ADCK5: variants seen among roughly 807,000 people sequenced by gnomAD.
ADCK5 encodes uncharacterized aarF domain-containing protein kinase 5.
In ADCK5, 43 loss-of-function variants were observed where a neutral mutation model predicts 64.9. That is an observed-to-expected ratio of 0.66 (90% CI 0.52 to 0.85). The LOEUF (loss-of-function observed/expected upper bound fraction) is 0.85, where lower values mean the gene tolerates loss of function less well. Among genes scored for constraint, ADCK5 ranks in the 40% least tolerant of loss-of-function variants. The pLI is 0.00. For missense variants in ADCK5, 760 were observed against 810.5 expected (o/e 0.94, Z 0.76); for synonymous variants, 434 against 342.8 (o/e 1.27, Z -2.94).
chr8:144,385,995 T>G (rs1272818722), intron 3 of ADCK5, among the ~76,000 whole-genome samples: 2 of 151,948 alleles, frequency 1.3e-5, no homozygotes, highest in African/African-American at 4.8e-5. Context: ...TGTGTTTTGC[T>G]TTCCCCCACC....
intron 1 of ADCK5, 152 bp downstream of exon 1, chr8:144,374,259 G>T (rs1190314733): frequency 6.6e-6 from 5 of 756,910 alleles, no homozygotes; most frequent in Admixed American, 4.3e-5. Flanking sequence ...GCCCTGGAGC[G>T]CAGTGGTGCG....
chr8:144,382,756 C>A (rs1030378383), intron 2 of ADCK5, among the ~76,000 whole-genome samples: 2 of 152,226 alleles, frequency 1.3e-5, no homozygotes, highest in Admixed American at 1.3e-4. Context: ...AGACCACGGT[C>A]CGTGAGGAGC....
intron 2 of ADCK5, 140 bp from the exon 3 acceptor site, chr8:144,382,941 G>A (rs1564670522): frequency 4.2e-6 from 5 of 1,202,934 alleles, no homozygotes; most frequent in Non-Finnish European, 5.8e-6. Flanking sequence ...ACGCTGATGC[G>A]GTGGTGTTCT....
chr8:144,373,905 G>T, upstream of ADCK5: 2 of 577,152 alleles, frequency 3.5e-6, no homozygotes, highest in Non-Finnish European at 2.5e-6. Flanking sequence ...AAGCCTCTGG[G>T]GGCCGCCAGG....
Position 144,392,425 on chromosome 8 carries a change from C to G in ADCK5, c.1268-20C>G, listed in dbSNP as rs574419228. 3.6e-6 allele frequency: 5 copies of G among 1,388,768 alleles called. No individual in the cohort carries two copies. The highest frequency in any genetic ancestry group is 2.5e-5 in the East Asian group (1 of 39,266). 86.0% of individuals were successfully genotyped at this position (1,388,768 alleles called of 1,614,324 possible). A position where few individuals can be genotyped will look rare whatever the true frequency, so the allele number is the denominator to read the frequency against. On this transcript the variant is annotated intron_variant, in intron 12 of 14. Transcript: ENST00000308860. ...AACCCACTCAGAGCCCCCTCCCTCCCTCCCTCCCTCCCTCCCCAGACTACC... is the reference window on the plus strand; with the variant it reads ...AACCCACTCAGAGCCCCCTCCCTCCGTCCCTCCCTCCCTCCCCAGACTACC...
At chr8:144,388,231 C>A (rs1820010906) in intron 3 of ADCK5, among the ~76,000 whole-genome samples, 1 of 150,708 alleles carries the variant, frequency 6.6e-6, no homozygotes, top group Non-Finnish European at 1.5e-5. Flanking sequence ...GTGGTGGGCA[C>A]CTGTAGTCCC....
At chr8:144,389,221 T>C in intron 3 of ADCK5, 1 of 455,852 alleles carries the variant, frequency 2.2e-6, no homozygotes. Flanking sequence ...ATACCCAGGA[T>C]GTCCCCCACT....
In ADCK5 at chr8:144,392,880, A is replaced by T. The variant is rs1554861615; in HGVS notation, c.1625A>T (p.Glu542Val). The T allele has an allele frequency of 1.2e-6, 2 of 1,601,910 alleles. No individual in the cohort carries two copies. The highest frequency in any genetic ancestry group is 2.2e-5 in the East Asian group (1 of 44,580). Residue 542 changes from glutamate (E) to valine (V), a missense_variant, in exon 14 of 15, where the codon GAA (glutamate) becomes GTA (valine). Around this residue, in one of 2 missense-constraint regions of ADCK5, gnomAD observed 333 missense variants for 292.0 expected, o/e 1.14. Transcript: ENST00000308860. ...GTCGTCTGGGAGATGCTCAAGTTTGAAGTGGCGCTCAGGTGAGTGGCCGCG... is the reference window on the plus strand; with the variant it reads ...GTCGTCTGGGAGATGCTCAAGTTTGTAGTGGCGCTCAGGTGAGTGGCCGCG... The part of the protein sequence containing the change: ...AKVVWEMLKF[E>V]VALRLETLAM...
chr8:144,392,761 C>T lies in ADCK5; in HGVS notation c.1521-15C>T, dbSNP rs782490734. 4 of 1,586,274 alleles carry T rather than the reference C, an allele frequency of 2.5e-6. No homozygotes were observed. Among genetic ancestry groups the T allele is most frequent in the Non-Finnish European group, 3.4e-6 (4 of 1,168,074 alleles). On this transcript the variant is annotated splice_polypyrimidine_tract_variant and intron_variant, in intron 13 of 14. Coordinates refer to ENST00000308860, the MANE Select transcript of ADCK5 (RefSeq NM_174922.5). ...TGGTGTGGGGCTGACGCGGCGCTAACGCGGGTGTGTGCAGGGCTGTCCGGG... is the reference window on the plus strand; with the variant it reads ...TGGTGTGGGGCTGACGCGGCGCTAATGCGGGTGTGTGCAGGGCTGTCCGGG...
Position 144,383,086 on chromosome 8 carries a change from C to T in ADCK5, c.122C>T (p.Ser41Phe), listed in dbSNP as rs1554858612. The stretch of plus-strand genomic sequence containing the variant: ...GCTGCATTGTCTCTCCTCAGGTTCT[C>T]CAGCCCCACACCCCTGTGGAGGAAG... ...RNVRGLPPRF[S>F]SPTPLWRKVL... The change falls in exon 3 of 15, where the codon TCC (serine) becomes TTC (phenylalanine). Residue 41 changes from serine to phenylalanine, a missense_variant. Physicochemically the swap from Ser to Phe is radical, Grantham distance 155. Around this residue, in one of 2 missense-constraint regions of ADCK5, gnomAD observed 427 missense variants for 518.4 expected, o/e 0.82. Transcript: ENST00000308860. 6.3e-7 allele frequency: 1 copy of T among 1,587,970 alleles called. No individual in the cohort carries two copies. The highest frequency in any genetic ancestry group is 8.6e-7 in the Non-Finnish European group (1 of 1,167,292).
intron 1 of ADCK5, among the ~76,000 whole-genome samples, chr8:144,375,160 G>A (rs1429105723): frequency 6.6e-6 from 1 of 152,226 alleles, no homozygotes; most frequent in Non-Finnish European, 1.5e-5. Flanking sequence ...CCCACGTGCA[G>A]GCCACTCAGT....
chr8:144,390,498 C>A (rs534188535), intron 3 of ADCK5, among the ~76,000 whole-genome samples, 173 bp from the exon 4 acceptor site: 6 of 152,276 alleles, frequency 3.9e-5, no homozygotes, highest in Non-Finnish European at 8.8e-5. Flanking sequence ...CAGCAGCACC[C>A]CTTGTGCTCA....
chr8:144,383,555 C>T (rs1400041519), intron 3 of ADCK5, among the ~76,000 whole-genome samples: 3 of 152,212 alleles, frequency 2.0e-5, no homozygotes, highest in Non-Finnish European at 4.4e-5. Flanking sequence ...CGTGCCTTCT[C>T]CCTCAGGCTT....
chr8:144,374,035 C>T (rs1819260291), upstream of ADCK5: 1 of 1,242,834 alleles, frequency 8.0e-7, no homozygotes, highest in East Asian at 3.2e-5. Context: ...CCCGCAGGGC[C>T]TGCTGGGCTG....
At chr8:144,392,417 C>CACCCCA in intron 12 of ADCK5, 28 bp from the exon 13 acceptor site, 1 of 1,325,716 alleles carries the variant, frequency 7.5e-7, no homozygotes, top group Non-Finnish European at 9.8e-7. Context: ...TCAGAGCCCC[C>CACCCCA]TCCCTCCCTC....
At chr8:144,388,598 A>G (rs574810322) in intron 3 of ADCK5, among the ~76,000 whole-genome samples, 1 of 151,508 alleles carries the variant, frequency 6.6e-6, no homozygotes, top group East Asian at 2.0e-4. Flanking sequence ...CCCCATCTCT[A>G]CTAAAAATAC....
chr8:144,375,356 C>A, intron 1 of ADCK5: 1 of 722,004 alleles, frequency 1.4e-6, no homozygotes, highest in Non-Finnish European at 1.7e-6. Context: ...GACTCCCAAT[C>A]TGTCTCTTCC....
In ADCK5 at chr8:144,390,883, T is replaced by A; in HGVS notation, c.370T>A (p.Ser124Thr). ...CAGCCCAGGCTACTTGGAGGTGATGTCTGCGTGTCACCAGCGGGCGGCTGA... is the reference window on the plus strand; with the variant it reads ...CAGCCCAGGCTACTTGGAGGTGATGACTGCGTGTCACCAGCGGGCGGCTGA... ...ENSPGYLEVM[S>T]ACHQRAADAL... Residue 124 changes from serine (S) to threonine (T), a missense_variant, in exon 5 of 15, where the codon TCT becomes ACT. Around this residue, in one of 2 missense-constraint regions of ADCK5, gnomAD observed 427 missense variants for 518.4 expected, o/e 0.82. Coordinates refer to ENST00000308860, the MANE Select transcript of ADCK5 (RefSeq NM_174922.5). 6.2e-7 allele frequency: 1 copy of A among 1,612,996 alleles called. No individual in the cohort carries two copies. Among genetic ancestry groups the A allele is most frequent in the Non-Finnish European group, 8.5e-7 (1 of 1,180,000 alleles).
chr8:144,373,852 G>A, upstream of ADCK5: 1 of 379,854 alleles, frequency 2.6e-6, no homozygotes, highest in Non-Finnish European at 4.6e-6. Flanking sequence ...GGCGGGACTG[G>A]AACCCTCCGC....
Sources: allele counts gnomAD v4.1 joint callset (sites outside exome capture counted in the v4.1 genomes callset), GRCh38; gene constraint gnomAD v4.1.1; regional missense constraint gnomAD v4.1.1; transcripts MANE v1.5; gene names NCBI Gene and HGNC (gene_info 2026-07-23, HGNC 2026-07-21).